The following SUSD4 variants were observed in gnomAD, a reference collection of about 807,000 sequenced individuals.
SUSD4 encodes the protein sushi domain containing 4, also known as sushi domain-containing protein 4.
SUSD4 carries 41 observed loss-of-function variants against 50.5 expected under a neutral mutation model. That is an observed-to-expected ratio of 0.81 (90% confidence interval 0.63 to 1.05). The LOEUF is 1.05. Among genes scored for constraint, SUSD4 ranks in the 50% least tolerant of loss-of-function variants. The pLI, the probability that SUSD4 is intolerant of heterozygous loss-of-function variation, is 0.00. For synonymous variants in SUSD4, 257 were observed against 257.3 expected, an observed-to-expected ratio of 1.00 and a Z score of 0.01; for missense variants, 580 against 634.7, an observed-to-expected ratio of 0.91 and a Z score of 0.93.
At chr1:223,280,967 CA>C (rs1663677709) in intron 3 of SUSD4, among the ~76,000 whole-genome samples, 1 of 152,200 alleles carries the variant, frequency 6.6e-6, no homozygotes, top group South Asian at 2.1e-4. Context: ...GGAAACTGAA[CA>C]ACCTGCTCCT....
At chr1:223,339,126 C>A (rs61838241) in intron 2 of SUSD4, among the ~76,000 whole-genome samples, 50,439 of 151,876 alleles carry the variant, frequency 0.33, 8,467 homozygotes, top group African/African-American at 0.4. Context: ...AGGAGGAGAC[C>A]GTTTCAAGAA....
Position 223,292,645 on chromosome 1 carries a change from T to C in SUSD4, c.155A>G (p.Asp52Gly). Residue 52 changes from aspartate to glycine, a missense_variant, in exon 3 of 9, where the codon GAT (aspartate) becomes GGT (glycine). Transcript: ENST00000366878. Reference protein sequence around the residue: ...FGPAQLTGGFDDLQVCADPGI... With the variant: ...FGPAQLTGGFGDLQVCADPGI... ...GGGGTCAGCACACACTTGAAGGTCA[T>C]CGAACCCTACATCAACAAAGAGAGG... 6.2e-7 allele frequency: 1 copy of C among 1,613,872 alleles called. No homozygotes were observed. Among genetic ancestry groups the C allele is most frequent in the African/African-American group, 1.3e-5 (1 of 74,992 alleles).
At chr1:223,328,524 C>T (rs1413275580) in intron 2 of SUSD4, among the ~76,000 whole-genome samples, 3 of 152,218 alleles carry the variant, frequency 2.0e-5, no homozygotes, top group Non-Finnish European at 4.4e-5. Context: ...TCAAAAGGTA[C>T]CTCTGTGTTT....
intron 3 of SUSD4, among the ~76,000 whole-genome samples, chr1:223,287,599 G>A (rs1337653793): frequency 6.6e-6 from 1 of 152,094 alleles, no homozygotes; most frequent in Non-Finnish European, 1.5e-5. Context: ...GAAGAGCCCT[G>A]CACAGTGGTT....
At chr1:223,222,364 C>A (rs1169714055) in intron 8 of SUSD4, 144 bp from the exon 9 acceptor site, 1 of 692,276 alleles carries the variant, frequency 1.4e-6, no homozygotes, top group Non-Finnish European at 2.4e-6. Context: ...AGTTAATAAC[C>A]AAATAAATCA....
chr1:223,264,924 G>T, intron 4 of SUSD4, 106 bp from the exon 5 acceptor site: 1 of 1,177,272 alleles, frequency 8.5e-7, no homozygotes, highest in Non-Finnish European at 1.2e-6. Flanking sequence ...ACCTCTGAAG[G>T]TGAAAATGGC....
At chr1:223,235,076 G>C in intron 5 of SUSD4, 1 of 1,606,084 alleles carries the variant, frequency 6.2e-7, no homozygotes, top group Non-Finnish European at 8.5e-7. Flanking sequence ...ATAAAGGACA[G>C]GGAAAAGATG....
intron 2 of SUSD4, among the ~76,000 whole-genome samples, chr1:223,307,237 C>G (rs1307778439): frequency 2.0e-5 from 3 of 152,186 alleles, no homozygotes; most frequent in South Asian, 4.1e-4. Flanking sequence ...ATGGGGCAAT[C>G]TCAACATGCC....
At chr1:223,259,438 G>C (rs1661940695) in intron 5 of SUSD4, among the ~76,000 whole-genome samples, 1 of 152,176 alleles carries the variant, frequency 6.6e-6, no homozygotes, top group Non-Finnish European at 1.5e-5. Flanking sequence ...CAAATTCCAA[G>C]TTTTTGCTTC....
At chr1:223,280,295 T>C (rs1321743737) in intron 3 of SUSD4, among the ~76,000 whole-genome samples, 1 of 152,022 alleles carries the variant, frequency 6.6e-6, no homozygotes, top group Non-Finnish European at 1.5e-5. Flanking sequence ...GACTGGCAAA[T>C]TGGATAAAGA....
At chr1:223,325,850 A>G (rs1247176869) in intron 2 of SUSD4, among the ~76,000 whole-genome samples, 2 of 152,250 alleles carry the variant, frequency 1.3e-5, no homozygotes, top group Admixed American at 6.5e-5. Context: ...ACTATAAAAC[A>G]CTGCTGAAAG....
At chr1:223,331,875 G>C (rs1667196416) in intron 2 of SUSD4, among the ~76,000 whole-genome samples, 1 of 152,154 alleles carries the variant, frequency 6.6e-6, no homozygotes, top group African/African-American at 2.4e-5. Flanking sequence ...CCCACTGAAG[G>C]CCAATGATGA....
chr1:223,283,966 CAA>C (rs1571970353), intron 3 of SUSD4, among the ~76,000 whole-genome samples: 1 of 152,000 alleles, frequency 6.6e-6, no homozygotes, highest in Non-Finnish European at 1.5e-5. Flanking sequence ...TCATTCTCAG[CAA>C]ACTATCACAA....
At chr1:223,364,590 C>T (rs1187171840), upstream of SUSD4, among the ~76,000 whole-genome samples, 1 of 150,690 alleles carries the variant, frequency 6.6e-6, no homozygotes, top group African/African-American at 2.4e-5. This position sits in a 1 kb window ranked among gnomAD's most constrained non-coding sequence, Gnocchi z 4.5. Flanking sequence ...CCTTCCCCGG[C>T]GCTGGACTGC....
intron 4 of SUSD4, among the ~76,000 whole-genome samples, chr1:223,266,482 G>A (rs1662498028): frequency 6.6e-6 from 1 of 152,208 alleles, no homozygotes; most frequent in Non-Finnish European, 1.5e-5. Context: ...TTCCTAGGAA[G>A]GAATTGTAGT....
At chr1:223,282,997 C>G (rs1319246398) in intron 3 of SUSD4, among the ~76,000 whole-genome samples, 1 of 152,226 alleles carries the variant, frequency 6.6e-6, no homozygotes, top group Non-Finnish European at 1.5e-5. Context: ...GGAAAGCATT[C>G]TGTATTTAAC....
chr1:223,279,003 A>C (rs1353992307), intron 3 of SUSD4, among the ~76,000 whole-genome samples: 1 of 152,252 alleles, frequency 6.6e-6, no homozygotes, highest in Non-Finnish European at 1.5e-5. Flanking sequence ...TGTAGCTGTT[A>C]GAAGGGTCCT....
chr1:223,343,633 GAC>G (rs1006378457), intron 2 of SUSD4, among the ~76,000 whole-genome samples: 3 of 152,246 alleles, frequency 2.0e-5, no homozygotes, highest in African/African-American at 7.2e-5. Context: ...ATAGAAAAGA[GAC>G]ACACATCACT....
chr1:223,222,800 A>G (rs1235186515), intron 8 of SUSD4, among the ~76,000 whole-genome samples: 1 of 152,218 alleles, frequency 6.6e-6, no homozygotes, highest in Non-Finnish European at 1.5e-5. Context: ...CTCTGGGGCT[A>G]GAACACACTG....
Sources: gnomAD v4.1 joint callset for allele counts (sites outside exome capture counted in the v4.1 genomes callset) on GRCh38, gnomAD v4.1.1 for gene constraint, Gnocchi (gnomAD v3.1) non-coding constraint, MANE v1.5 for transcripts, NCBI Gene and HGNC (gene_info 2026-07-23, HGNC 2026-07-21) for gene names.